LYRM4: variants seen among roughly 807,000 people sequenced by gnomAD.
LYRM4 encodes LYR motif containing 4.
In LYRM4, 9 loss-of-function variants were observed where a neutral mutation model predicts 11.7. The observed-to-expected ratio is 0.77, with a 90% CI of 0.46 to 1.34. LYRM4 has a LOEUF of 1.34. Ranked by LOEUF, LYRM4 falls within the 40% of genes most tolerant of loss-of-function variation. LYRM4 has a pLI of 0.00. For missense variants in LYRM4, 133 were observed against 112.5 expected (o/e 1.18, Z -0.82); for synonymous variants, 42 against 40.4 (o/e 1.04, Z -0.15).
Position 5,216,716 on chromosome 6 carries a change from T to G in LYRM4, c.109A>C (p.Arg37=), listed in dbSNP as rs377487577. Residue 37 remains arginine (R), a synonymous_variant, in exon 2 of 3, where the codon AGA becomes CGA. Transcript: ENST00000330636. The part of the protein sequence containing the change: ...NYRTYAVRRI[R]DAFRENKNVK... ...TTTTTATTTTCTCTGAAGGCATCTC[T>G]TATCCTCCTGACAGCATATGTTCTA... 14 of 1,613,394 alleles carry G rather than the reference T, an allele frequency of 8.7e-6. No homozygotes were observed. Among genetic ancestry groups the G allele is most frequent in the Non-Finnish European group, 1.0e-5 (12 of 1,179,974 alleles).
chr6:5,059,458 C>T, the LYRM4 span, among the ~76,000 whole-genome samples: 7 of 151,612 alleles, frequency 4.6e-5, no homozygotes, highest in African/African-American at 1.7e-4. Context: ...TTTTTCTTAA[C>T]TCTGTATCTT....
rs575800060 is a variant in LYRM4 at position 5,144,524 on chromosome 6, C to G, written c.208-35033G>C. 2.0e-4 allele frequency among the ~76,000 whole-genome samples: 29 copies of G among 144,460 alleles called. No individual in the cohort carries two copies. The East Asian group carries it at 6.0e-3, about 30-fold the overall frequency. The allele number at this position is 144,460 out of a possible 152,430, so 94.8% of individuals were successfully genotyped here. A position where few individuals can be genotyped will look rare whatever the true frequency, so the allele number is the denominator to read the frequency against. The stretch of plus-strand genomic sequence containing the variant: ...TGGCGGTGGGCGCCCGCAGTCCCAG[C>G]TACTTGGGAGGCTGAGGCAGGAGAA... On this transcript the variant is annotated intron_variant, in intron 2 of 2. Coordinates refer to ENST00000330636, the MANE Select transcript of LYRM4 (RefSeq NM_020408.6).
At chr6:5,088,777 C>T in the LYRM4 span, 2 of 152,142 alleles carry the variant, frequency 1.3e-5, no homozygotes, top group South Asian at 2.1e-4. Context: ...ATATGACTCT[C>T]AGTAATCTTG....
the LYRM4 span, among the ~76,000 whole-genome samples, chr6:5,090,016 A>ACACACACACG: frequency 4.8e-4 from 1 of 2,104 alleles, no homozygotes; most frequent in Non-Finnish European, 1.2e-3. This position sits in a 1 kb window ranked among gnomAD's most constrained non-coding sequence, Gnocchi z 4.8. Flanking sequence ...TGAAAGGAAG[A>ACACACACACG]CACACACACA....
chr6:5,135,146 C>T (rs1241262761), intron 2 of LYRM4, among the ~76,000 whole-genome samples: 1 of 4,660 alleles, frequency 2.1e-4, no homozygotes, highest in Non-Finnish European at 4.4e-4. Flanking sequence ...GGATCGCTCC[C>T]GGGGCTGTGG....
rs1757410724 is a variant in LYRM4 at position 5,141,543 on chromosome 6, T to A, written c.208-32052A>T. On this transcript the variant is annotated intron_variant, in intron 2 of 2. Coordinates refer to ENST00000330636, the MANE Select transcript of LYRM4 (RefSeq NM_020408.6). ...CAGTACTGGTGTGGATGAAGGAACC[T>A]CATTATATCAAAACGCATACTAACA... Among the ~76,000 whole-genome samples the A allele has an allele frequency of 2.0e-5, 3 of 152,320 alleles. No homozygotes were observed. In the South Asian group the frequency reaches 6.2e-4, roughly 32 times the overall value.
chr6:5,204,920 TC>T (rs1761603381), intron 2 of LYRM4, among the ~76,000 whole-genome samples: 1 of 152,218 alleles, frequency 6.6e-6, no homozygotes, highest in Non-Finnish European at 1.5e-5. Flanking sequence ...GGTGAAGACT[TC>T]TGGCCAGAAA....
intron 2 of LYRM4, among the ~76,000 whole-genome samples, chr6:5,145,021 T>A (rs1581372130): frequency 6.6e-6 from 1 of 152,192 alleles, no homozygotes; most frequent in East Asian, 1.9e-4. Context: ...TGGGAACATA[T>A]TTGAGAGGTA....
At chr6:5,159,519 C>A (rs960473012) in intron 2 of LYRM4, among the ~76,000 whole-genome samples, 1 of 152,212 alleles carries the variant, frequency 6.6e-6, no homozygotes, top group South Asian at 2.1e-4. Context: ...GGTGACCCTG[C>A]TGAGAGTAGC....
At chr6:5,046,507 C>T in the LYRM4 span, among the ~76,000 whole-genome samples, 1 of 152,158 alleles carries the variant, frequency 6.6e-6, no homozygotes, top group African/African-American at 2.4e-5. Context: ...CGCGTGGCTG[C>T]CGTCTTCTGA....
chr6:5,239,071 T>G (rs1763713424), intron 1 of LYRM4, among the ~76,000 whole-genome samples: 1 of 152,238 alleles, frequency 6.6e-6, no homozygotes, highest in Non-Finnish European at 1.5e-5. Context: ...ATAGGCAGGA[T>G]GCCTGGCAGA....
At chr6:5,102,948 G>C (rs1581270718), downstream of LYRM4, 1 of 152,174 alleles carries the variant, frequency 6.6e-6, no homozygotes, top group Admixed American at 6.6e-5. Flanking sequence ...TTCTCTTCAG[G>C]GTCTTTGAAG....
At chr6:5,047,737 A>G in the LYRM4 span, among the ~76,000 whole-genome samples, 1 of 152,252 alleles carries the variant, frequency 6.6e-6, no homozygotes, top group Non-Finnish European at 1.5e-5. Flanking sequence ...GACAAAAAAT[A>G]TAACCTAAAA....
chr6:5,166,494 A>G (rs893421243), intron 2 of LYRM4, among the ~76,000 whole-genome samples: 1 of 152,224 alleles, frequency 6.6e-6, no homozygotes, highest in Non-Finnish European at 1.5e-5. Flanking sequence ...GTAGAAAGAG[A>G]GCAGACAACA....
At chr6:5,173,305 G>A (rs1234112942) in intron 2 of LYRM4, among the ~76,000 whole-genome samples, 1 of 152,200 alleles carries the variant, frequency 6.6e-6, no homozygotes, top group Non-Finnish European at 1.5e-5. Context: ...ACTATACATG[G>A]AGCTATGCTC....
intron 1 of LYRM4, among the ~76,000 whole-genome samples, chr6:5,239,898 C>G (rs1020345520): frequency 3.9e-5 from 6 of 152,172 alleles, no homozygotes; most frequent in African/African-American, 9.7e-5. Flanking sequence ...CCATAGGGAA[C>G]AGTACCTGGC....
At position 5,195,475 on chromosome 6, in the gene LYRM4, A is replaced by C. The variant is rs112662443; in HGVS notation, c.207+21143T>G. ...AAAAAAAGAAACAAAAACAAAAAAA[A>C]CCCCGACAATTAGCTTGCCATGGTG... On this transcript the variant is annotated intron_variant, in intron 2 of 2. Transcript: ENST00000330636. 6.3e-3 allele frequency among the ~76,000 whole-genome samples: 964 copies of C among 151,882 alleles called. 12 individuals carry two copies. Among genetic ancestry groups the C allele is most frequent in the South Asian group, 0.044 (211 of 4,796 alleles).
chr6:5,049,815 G>A, the LYRM4 span, among the ~76,000 whole-genome samples: 11 of 152,212 alleles, frequency 7.2e-5, no homozygotes, highest in African/African-American at 1.4e-4. Flanking sequence ...GATTATAGGC[G>A]TGCACCACCA....
At chr6:5,054,781 A>C in the LYRM4 span, among the ~76,000 whole-genome samples, 1 of 152,206 alleles carries the variant, frequency 6.6e-6, no homozygotes, top group Non-Finnish European at 1.5e-5. Context: ...CTGAAAAAAC[A>C]GACTCTTTGT....
Sources: gnomAD v4.1 joint callset for allele counts (sites outside exome capture counted in the v4.1 genomes callset) on GRCh38, gnomAD v4.1.1 for gene constraint, Gnocchi (gnomAD v3.1) non-coding constraint, MANE v1.5 for transcripts, NCBI Gene and HGNC (gene_info 2026-07-23, HGNC 2026-07-21) for gene names.